Variants in DIAPH3 observed in about 807,000 individuals in gnomAD.
DIAPH3 encodes the protein protein diaphanous homolog 3.
In DIAPH3, 117 loss-of-function variants were observed where a neutral mutation model predicts 144.3. The ratio of observed to expected loss-of-function variants is 0.81; its 90% CI spans 0.70 to 0.95. The LOEUF (loss-of-function observed/expected upper bound fraction) is 0.95, where lower values mean the gene tolerates loss of function less well. DIAPH3 is among the 40% of genes least tolerant of loss of function. The pLI, the probability that DIAPH3 is intolerant of heterozygous loss-of-function variation, is 0.00. For synonymous variants in DIAPH3, 519 were observed against 488.9 expected (o/e 1.06, Z -0.81); for missense variants, 1,421 against 1,412.7 (o/e 1.01, Z -0.09).
At chr13:59,776,309 G>A (rs895373806) in intron 25 of DIAPH3, among the ~76,000 whole-genome samples, 1 of 152,086 alleles carries the variant, frequency 6.6e-6, no homozygotes, top group Non-Finnish European at 1.5e-5. Context: ...AAAAAGGTGG[G>A]TGAGAAATAG....
At chr13:60,073,182 G>T (rs1415275457) in intron 4 of DIAPH3, among the ~76,000 whole-genome samples, 1 of 151,928 alleles carries the variant, frequency 6.6e-6, no homozygotes, top group Non-Finnish European at 1.5e-5. Flanking sequence ...GGTGGCAGGT[G>T]CCTGTAATCT....
chr13:59,823,842 C>A (rs556527208), intron 24 of DIAPH3, among the ~76,000 whole-genome samples: 1 of 152,246 alleles, frequency 6.6e-6, no homozygotes, highest in African/African-American at 2.4e-5. Flanking sequence ...ACTAAAAATA[C>A]CCTCTGACTG....
At chr13:59,778,919 A>G (rs341541) in intron 25 of DIAPH3, among the ~76,000 whole-genome samples, 99,481 of 152,054 alleles carry the variant, frequency 0.65, 33,007 homozygotes, top group East Asian at 0.72. Flanking sequence ...TCTTTTTTTC[A>G]TTTTTATTTT....
chr13:59,774,235 A>C lies in DIAPH3; in HGVS notation c.3273T>G (p.Ser1091Arg). 1.2e-6 allele frequency: 2 copies of C among 1,612,650 alleles called. No homozygotes were observed. Among genetic ancestry groups the C allele is most frequent in the Non-Finnish European group, 1.7e-6 (2 of 1,179,378 alleles). Residue 1091 changes from serine to arginine, a missense_variant, in exon 27 of 28, where the codon AGT (serine) becomes AGG (arginine). By Grantham distance (110) the Ser-to-Arg change is moderately radical (BLOSUM62 -1). Transcript: ENST00000400324. ...CAGGCCTCTGAGACATTGGACTGAGACTCTGCCGAACATCTGTTAAAAAAA... is the reference window on the plus strand; with the variant it reads ...CAGGCCTCTGAGACATTGGACTGAGCCTCTGCCGAACATCTGTTAAAAAAA... ...RTPMPKDVRQ[S>R]LSPMSQRPVL...
chr13:59,885,561 T>C (rs2045387788), intron 20 of DIAPH3, among the ~76,000 whole-genome samples: 1 of 151,844 alleles, frequency 6.6e-6, no homozygotes, highest in South Asian at 2.1e-4. Context: ...AATTTGTGTA[T>C]CTACTTTCCT....
intron 20 of DIAPH3, among the ~76,000 whole-genome samples, chr13:59,907,666 T>C (rs1187378516): frequency 6.6e-6 from 1 of 152,224 alleles, no homozygotes; most frequent in Admixed American, 6.5e-5. Context: ...CCTTGAGAGC[T>C]ATCCTGATCA....
At chr13:59,836,096 A>C (rs565698612) in intron 23 of DIAPH3, among the ~76,000 whole-genome samples, 1 of 151,992 alleles carries the variant, frequency 6.6e-6, no homozygotes, top group Non-Finnish European at 1.5e-5. Context: ...AATGTCTAGC[A>C]AAATAAGTTT....
At position 59,666,423 on chromosome 13, in the gene DIAPH3, G is replaced by GA; in HGVS notation, c.*160dup. 1.2e-6 allele frequency: 1 copy of GA among 800,204 alleles called. No individual in the cohort carries two copies. Among genetic ancestry groups the GA allele is most frequent in the Non-Finnish European group, 1.9e-6 (1 of 537,684 alleles). The allele number at this position is 800,204 out of a possible 1,614,324, so 49.6% of individuals were successfully genotyped here. A position where few individuals can be genotyped will look rare whatever the true frequency, so the allele number is the denominator to read the frequency against. On this transcript the variant is annotated 3_prime_UTR_variant, in exon 28 of 28. Transcript: ENST00000400324. ...AATAAACCAAAACCTCCAGTACATA[G>GA]AAAAAGCATTGCAATCATATATTTA...
chr13:60,102,909 C>T (rs978416776), intron 3 of DIAPH3, among the ~76,000 whole-genome samples: 1 of 152,072 alleles, frequency 6.6e-6, no homozygotes, highest in Non-Finnish European at 1.5e-5. Flanking sequence ...AAAGCATACA[C>T]CTATTCTGTA....
At chr13:60,162,809 T>TCTCACACACA (rs1555388530) in intron 1 of DIAPH3, among the ~76,000 whole-genome samples, 5 of 122,424 alleles carry the variant, frequency 4.1e-5, no homozygotes, top group African/African-American at 1.3e-4. Context: ...TCTCTCTCTC[T>TCTCACACACA]CACACACACA....
intron 21 of DIAPH3, among the ~76,000 whole-genome samples, chr13:59,877,708 T>C (rs912449323): frequency 5.3e-5 from 8 of 151,934 alleles, no homozygotes; most frequent in Non-Finnish European, 7.4e-5. Flanking sequence ...AAAATCTCCA[T>C]CATTAGGCAG....
chr13:60,073,483 G>A (rs1036343169), intron 4 of DIAPH3, among the ~76,000 whole-genome samples: 4 of 152,018 alleles, frequency 2.6e-5, no homozygotes, highest in Admixed American at 2.0e-4. Flanking sequence ...AAAGCAATCC[G>A]TTTATGTAAC....
intron 20 of DIAPH3, among the ~76,000 whole-genome samples, chr13:59,910,465 C>T (rs1007303267): frequency 6.6e-6 from 1 of 152,046 alleles, no homozygotes; most frequent in Non-Finnish European, 1.5e-5. Flanking sequence ...GGGTGGCTCA[C>T]ACCTGTAATC....
At chr13:59,693,569 T>C (rs1016262043) in intron 27 of DIAPH3, among the ~76,000 whole-genome samples, 1 of 152,196 alleles carries the variant, frequency 6.6e-6, no homozygotes, top group Admixed American at 6.5e-5. Context: ...TTATTTGCAA[T>C]CTCACATGGA....
chr13:59,762,762 C>T (rs1269921592), intron 27 of DIAPH3, among the ~76,000 whole-genome samples: 1 of 151,966 alleles, frequency 6.6e-6, no homozygotes, highest in African/African-American at 2.4e-5. Context: ...ATGGCTGTCC[C>T]CTCCCAAACT....
intron 21 of DIAPH3, among the ~76,000 whole-genome samples, chr13:59,872,883 A>G (rs1566446442): frequency 6.6e-6 from 1 of 152,240 alleles, no homozygotes; most frequent in East Asian, 1.9e-4. Flanking sequence ...AGATGAAGGC[A>G]CACAAGCAGC....
intron 4 of DIAPH3, among the ~76,000 whole-genome samples, chr13:60,082,702 A>G (rs1380567231): frequency 6.6e-6 from 1 of 152,164 alleles, no homozygotes; most frequent in African/African-American, 2.4e-5. Flanking sequence ...TACTGTTTCC[A>G]TGAGTCCTTC....
Position 59,916,142 on chromosome 13 carries a change from C to T in DIAPH3, c.2265+13G>A. 6.2e-7 allele frequency: 1 copy of T among 1,602,148 alleles called. No individual in the cohort carries two copies. Among genetic ancestry groups the T allele is most frequent in the South Asian group, 1.1e-5 (1 of 90,850 alleles). On this transcript the variant is annotated intron_variant, in intron 19 of 27. Transcript: ENST00000400324. ...ATGAAATATTGAAATTTAAGCTGTG[C>T]CTGTTTGTTTACCTGAATCATAGAC...
chr13:60,102,935 C>T (rs1055259401), intron 3 of DIAPH3, among the ~76,000 whole-genome samples: 4 of 152,014 alleles, frequency 2.6e-5, no homozygotes, highest in Admixed American at 6.6e-5. Flanking sequence ...CACAAGGACA[C>T]CAAATTAGTC....
Sources: gnomAD v4.1 joint callset for allele counts (sites outside exome capture counted in the v4.1 genomes callset) on GRCh38, gnomAD v4.1.1 for gene constraint, MANE v1.5 for transcripts, NCBI Gene and HGNC (gene_info 2026-07-23, HGNC 2026-07-21) for gene names.